The following PHF8 variants were observed in gnomAD, a reference collection of about 807,000 sequenced individuals.
PHF8 encodes PHD finger protein 8.
Under a neutral mutation model 74.4 loss-of-function variants are expected in PHF8, and 9 were observed. The observed-to-expected ratio is 0.12, with a 90% confidence interval of 0.07 to 0.21. The LOEUF (loss-of-function observed/expected upper bound fraction) is 0.21. Among genes scored for constraint, PHF8 ranks in the 10% least tolerant of loss-of-function variants. The pLI, the probability that PHF8 is intolerant of heterozygous loss-of-function variation, is 1.00. For synonymous variants in PHF8, 311 were observed against 316.6 expected (o/e 0.98, Z 0.19); for missense variants, 478 against 816.6 (o/e 0.59, Z 5.05).
At chrX:54,021,451 ATTAT>A (rs1456575719) in intron 4 of PHF8, among the ~76,000 whole-genome samples, 18 of 80,497 alleles carry the variant, frequency 2.2e-4, no homozygotes, top group African/African-American at 7.2e-4. Flanking sequence ...CAAAGTTGCA[ATTAT>A]TTTTTTTTTT....
chrX:53,977,651 T>A (rs1557096562), intron 18 of PHF8, among the ~76,000 whole-genome samples: 1 of 108,894 alleles, frequency 9.2e-6, no homozygotes, highest in African/African-American at 3.3e-5. Context: ...TCAGTAGCTT[T>A]TTTTTTTTTT....
At chrX:53,949,940 G>A in intron 19 of PHF8, among the ~76,000 whole-genome samples, 1 of 110,364 alleles carries the variant, frequency 9.1e-6, no homozygotes, top group Non-Finnish European at 1.9e-5. Context: ...TGTTATGATG[G>A]GCGACATCAG....
At chrX:53,968,460 A>C (rs1353077906) in intron 18 of PHF8, among the ~76,000 whole-genome samples, 1 of 112,318 alleles carries the variant, frequency 8.9e-6, no homozygotes, top group Admixed American at 9.5e-5. Context: ...AAATGCCCAG[A>C]ACCTGATGGA....
chrX:54,020,398 C>A (rs1193247949), intron 4 of PHF8, among the ~76,000 whole-genome samples: 2 of 111,346 alleles, frequency 1.8e-5, no homozygotes, highest in African/African-American at 6.5e-5. Context: ...ACTTAAACGT[C>A]CCTCAGTAGA....
chrX:54,021,460 T>A lies in PHF8; in HGVS notation c.293+799A>T, dbSNP rs1266182127. 4.3e-5 allele frequency among the ~76,000 whole-genome samples: 3 copies of A among 69,984 alleles called. No homozygotes were observed. In the Admixed American group the frequency reaches 4.4e-4, roughly 10 times the overall value. 60.8% of individuals were successfully genotyped at this position (69,984 alleles called of 115,157 possible). ...TAAAATCAAAGTTGCAATTATTTTT[T>A]TTTTTTTTTTTTTTTTTTTTTTTTT... On this transcript the variant is annotated intron_variant, in intron 4 of 21. Coordinates refer to ENST00000338154, the MANE Select transcript of PHF8 (RefSeq NM_015107.3).
chrX:53,939,463 C>T (rs2064716796), intron 21 of PHF8, among the ~76,000 whole-genome samples: 1 of 111,658 alleles, frequency 9.0e-6, no homozygotes, highest in South Asian at 3.8e-4. Flanking sequence ...CAGCAAGACT[C>T]CCTGATTACA....
At chrX:54,000,968 C>T in intron 10 of PHF8, among the ~76,000 whole-genome samples, 1 of 112,981 alleles carries the variant, frequency 8.9e-6, no homozygotes, top group East Asian at 2.8e-4. Context: ...ATGTATTATG[C>T]TGAGTAAAAA....
intron 8 of PHF8, among the ~76,000 whole-genome samples, chrX:54,010,367 G>T (rs918079617): frequency 9.0e-5 from 10 of 111,301 alleles, no homozygotes; most frequent in African/African-American, 3.3e-4. Context: ...ACATATATTT[G>T]ACAATTTAGA....
chrX:54,000,069 C>A (rs1557103897), intron 10 of PHF8, 108 bp from the exon 11 acceptor site: 1 of 532,304 alleles, frequency 1.9e-6, no homozygotes, highest in Non-Finnish European at 3.4e-6. Context: ...GTTCTGAGCA[C>A]AACTGCAGAT....
intron 2 of PHF8, among the ~76,000 whole-genome samples, chrX:54,033,152 G>C (rs1012979491): frequency 7.2e-5 from 8 of 110,852 alleles, no homozygotes; most frequent in Non-Finnish European, 9.4e-5. Context: ...TCTGCCACCG[G>C]AGCGCAGTGT....
At chrX:53,946,328 C>T (rs782277862) in intron 19 of PHF8, among the ~76,000 whole-genome samples, 8 of 112,527 alleles carry the variant, frequency 7.1e-5, no homozygotes, top group Non-Finnish European at 1.5e-4. Context: ...CAACTTCACA[C>T]GCCTCTTGAT....
At chrX:53,995,269 C>T (rs1557102483) in intron 12 of PHF8, 1 of 332,996 alleles carries the variant, frequency 3.0e-6, no homozygotes, top group African/African-American at 2.6e-5. Context: ...CTACAACTAC[C>T]ACCACCACCC....
intron 8 of PHF8, among the ~76,000 whole-genome samples, chrX:54,006,477 G>A (rs1557105340): frequency 9.0e-6 from 1 of 110,710 alleles, no homozygotes; most frequent in Non-Finnish European, 1.9e-5. Context: ...ATGAGATTCT[G>A]TCTCAAAAAA....
upstream of PHF8, among the ~76,000 whole-genome samples, chrX:54,046,956 A>C (rs190533348): frequency 2.4e-4 from 27 of 112,310 alleles, no homozygotes; most frequent in African/African-American, 8.7e-4. Flanking sequence ...CTCCAACACC[A>C]CCTAATGCAA....
Position 53,940,235 on chromosome X carries a change from G to A in PHF8, c.2931C>T (p.Val977=), listed in dbSNP as rs1315181495. The A allele has an allele frequency of 7.5e-6, 9 of 1,192,477 alleles. No homozygotes were observed. In the Admixed American group the frequency reaches 2.1e-4, roughly 28 times the overall value. The part of the protein sequence containing the change: ...NRSTTPMAPG[V]FLTQRRPSVG... ...CTGAAGGGCGCCGCTGGGTCAAGAAGACACCGGGGGCCATAGGTGTGGTGC... is the reference window on the plus strand; with the variant it reads ...CTGAAGGGCGCCGCTGGGTCAAGAAAACACCGGGGGCCATAGGTGTGGTGC... The change falls in exon 21 of 22, where the codon GTC becomes GTT. Residue 977 remains valine, a synonymous_variant. Transcript: ENST00000338154.
chrX:53,949,617 C>A (rs1168599050), intron 19 of PHF8, among the ~76,000 whole-genome samples: 1 of 108,943 alleles, frequency 9.2e-6, no homozygotes, highest in Non-Finnish European at 1.9e-5. Context: ...TCAAGACCAT[C>A]CTGGCTAACA....
intron 8 of PHF8, among the ~76,000 whole-genome samples, chrX:54,005,586 CA>C (rs1274057639): frequency 2.1e-5 from 2 of 96,136 alleles, no homozygotes; most frequent in East Asian, 3.2e-4. Flanking sequence ...AAATCCACAC[CA>C]AAAAAAACAC....
intron 20 of PHF8, chrX:53,943,324 G>A (rs2064780482): frequency 1.1e-6 from 1 of 884,463 alleles, no homozygotes; most frequent in Non-Finnish European, 1.6e-6. Context: ...TGAAGTTAGA[G>A]GATATGAGTT....
chrX:54,042,752 T>A lies in PHF8; in HGVS notation c.-24A>T. 1 of 1,199,149 alleles carries A rather than the reference T, an allele frequency of 8.3e-7. No individual in the cohort carries two copies. The highest frequency in any genetic ancestry group is 1.1e-6 in the Non-Finnish European group (1 of 888,161). On this transcript the variant is annotated 5_prime_UTR_variant, in exon 2 of 22. Transcript: ENST00000338154. ...ATCTTCGCTCGGCCCTGGAGCGTTC[T>A]GCGGCCGGCCAGGTTCGTCGTGTCA...
Sources: allele counts gnomAD v4.1 joint callset (sites outside exome capture counted in the v4.1 genomes callset), GRCh38; gene constraint gnomAD v4.1.1; transcripts MANE v1.5; gene names NCBI Gene and HGNC (gene_info 2026-07-23, HGNC 2026-07-21).